The following UBE2J1 variants were observed in gnomAD, a reference collection of about 807,000 sequenced individuals.
UBE2J1 encodes ubiquitin-conjugating enzyme E2 J1.
UBE2J1 carries 17 observed loss-of-function variants against 42.1 expected under a neutral mutation model. That is an observed-to-expected ratio of 0.40 (90% CI 0.28 to 0.61). The LOEUF (loss-of-function observed/expected upper bound fraction) is 0.61. Among genes scored for constraint, UBE2J1 ranks in the 20% least tolerant of loss-of-function variants. The probability of loss-of-function intolerance (pLI) is 0.38; values close to 1 mark genes in which losing one functional copy is unlikely to be tolerated. For missense variants in UBE2J1, 291 were observed against 389.4 expected (o/e 0.75, Z 2.13); for synonymous variants, 127 against 137.2 (o/e 0.93, Z 0.52).
chr6:89,342,004 T>C lies in UBE2J1; in HGVS notation c.237+320A>G, dbSNP rs933729459. Among the ~76,000 whole-genome samples, 16 of 152,134 alleles carry C rather than the reference T, an allele frequency of 1.1e-4. No individual in the cohort carries two copies. The East Asian group carries it at 2.7e-3, about 26-fold the overall frequency. On this transcript the variant is annotated intron_variant, in intron 3 of 7. Transcript: ENST00000435041. Reference sequence around the variant, plus strand: ...TAAAGGAGACAATATGATTACAAGGTACAATAACATTAGCTACCCTTTAGT... The same window carrying C: ...TAAAGGAGACAATATGATTACAAGGCACAATAACATTAGCTACCCTTTAGT...
intron 7 of UBE2J1, among the ~76,000 whole-genome samples, chr6:89,332,362 C>G (rs1170750276): frequency 6.6e-6 from 1 of 152,192 alleles, no homozygotes. Flanking sequence ...ATCACTCTCT[C>G]TGATCACCTA....
In UBE2J1 at chr6:89,328,899, C is replaced by T. The variant is rs919765092; in HGVS notation, c.*780G>A. On this transcript the variant is annotated 3_prime_UTR_variant, in exon 8 of 8. Transcript: ENST00000435041. ...ACCAAACATTCAAATCTTCAGATCCCCCCATTTAACTTCTGGAAGAAAACC... is the reference window on the plus strand; with the variant it reads ...ACCAAACATTCAAATCTTCAGATCCTCCCATTTAACTTCTGGAAGAAAACC... 6.6e-6 allele frequency: 1 copy of T among 152,180 alleles called. No homozygotes were observed. The highest frequency in any genetic ancestry group is 1.5e-5 in the Non-Finnish European group (1 of 68,042). The allele number at this position is 152,180 out of a possible 1,614,324, so 9.4% of individuals were successfully genotyped here.
At chr6:89,352,390 A>G (rs1768502624) in intron 1 of UBE2J1, 149 bp downstream of exon 1, 2 of 891,374 alleles carry the variant, frequency 2.2e-6, no homozygotes, top group Non-Finnish European at 3.2e-6. Context: ...TGCGGCCTGT[A>G]CTTCCCGGGC....
At chr6:89,336,654 G>C (rs1325168303) in intron 5 of UBE2J1, among the ~76,000 whole-genome samples, 1 of 151,634 alleles carries the variant, frequency 6.6e-6, no homozygotes, top group Non-Finnish European at 1.5e-5. Context: ...TTATTGATGA[G>C]TATTTCTTGT....
chr6:89,338,090 T>G (rs548443681), intron 5 of UBE2J1, 115 bp downstream of exon 5: 1 of 662,290 alleles, frequency 1.5e-6, no homozygotes, highest in Non-Finnish European at 2.5e-6. Flanking sequence ...GATAAGATCC[T>G]GTAGCTACAG....
intron 3 of UBE2J1, among the ~76,000 whole-genome samples, chr6:89,341,853 A>G (rs935936822): frequency 6.6e-6 from 1 of 152,234 alleles, no homozygotes; most frequent in African/African-American, 2.4e-5. Context: ...GTCAGGCTCT[A>G]TTCTAAGAGC....
intron 1 of UBE2J1, among the ~76,000 whole-genome samples, chr6:89,346,929 C>T (rs958919404): frequency 5.9e-5 from 9 of 152,184 alleles, no homozygotes; most frequent in Non-Finnish European, 1.2e-4. Flanking sequence ...CTCCTCAGGG[C>T]TTAGCACATG....
intron 5 of UBE2J1, among the ~76,000 whole-genome samples, chr6:89,335,765 T>G (rs1768096600): frequency 6.6e-6 from 1 of 152,160 alleles, no homozygotes; most frequent in Non-Finnish European, 1.5e-5. Flanking sequence ...ATTTTAAGGC[T>G]GTGAAAAAAG....
chr6:89,338,236 T>C lies in UBE2J1; in HGVS notation c.397A>G (p.Thr133Ala). 1 of 1,613,452 alleles carries C rather than the reference T, an allele frequency of 6.2e-7. No individual in the cohort carries two copies. Among genetic ancestry groups the C allele is most frequent in the Admixed American group, 1.7e-5 (1 of 59,936 alleles). Residue 133 changes from threonine (T) to alanine (A), a missense_variant, in exon 5 of 8, where the codon ACT becomes GCT. Around this residue, in one of 2 missense-constraint regions of UBE2J1, gnomAD observed 115 missense variants for 193.1 expected, o/e 0.60. Transcript: ENST00000435041. ...GCAAGTGCTCTTCTTTCCTCAGGAG[T>C]GTAATCTAGAGAACCTATGGCTCCC... ...GEGAIGSLDY[T>A]PEERRALAKK...
chr6:89,330,743 C>T (rs998938807), intron 7 of UBE2J1, among the ~76,000 whole-genome samples: 2 of 152,076 alleles, frequency 1.3e-5, no homozygotes, highest in Non-Finnish European at 2.9e-5. Flanking sequence ...CTTCGGTGAG[C>T]TATGATCACA....
chr6:89,342,040 G>A (rs911419209), intron 3 of UBE2J1, among the ~76,000 whole-genome samples: 1 of 152,160 alleles, frequency 6.6e-6, no homozygotes, highest in African/African-American at 2.4e-5. Context: ...GAGTACTTAT[G>A]AAGTGCCAGA....
intron 1 of UBE2J1, among the ~76,000 whole-genome samples, chr6:89,345,529 G>A (rs2127871855): frequency 6.6e-6 from 1 of 152,208 alleles, no homozygotes; most frequent in East Asian, 1.9e-4. Context: ...TTGCACCCAG[G>A]AGGTGGAGGT....
chr6:89,351,316 A>G (rs1768476155), intron 1 of UBE2J1, among the ~76,000 whole-genome samples: 2 of 151,770 alleles, frequency 1.3e-5, no homozygotes, highest in Non-Finnish European at 2.9e-5. Flanking sequence ...TCCTGGGCTC[A>G]AGCCTCCCAA....
chr6:89,347,853 C>G (rs938344861), intron 1 of UBE2J1, among the ~76,000 whole-genome samples: 4 of 152,188 alleles, frequency 2.6e-5, no homozygotes, highest in African/African-American at 9.7e-5. Flanking sequence ...TCAATAATTT[C>G]TCCACAAAAT....
chr6:89,343,672 T>C lies in UBE2J1; in HGVS notation c.105+11A>G, dbSNP rs1208816837. The C allele has an allele frequency of 1.3e-6, 2 of 1,581,278 alleles. No homozygotes were observed. Among genetic ancestry groups the C allele is most frequent in the Middle Eastern group, 1.7e-4 (1 of 5,848 alleles). On this transcript the variant is annotated intron_variant, in intron 2 of 7. Coordinates refer to ENST00000435041, the MANE Select transcript of UBE2J1 (RefSeq NM_016021.3). ...AAAATCCATATGAAGAACATGGAGA[T>C]AGAAACTAACCTCTAAAGGCTGCGC...
chr6:89,338,443 ATAAAT>A lies in UBE2J1; in HGVS notation c.322+11_322+15del, dbSNP rs1369343699. The stretch of plus-strand genomic sequence containing the variant: ...TGAAGTTATGAGATTTATATTCACT[ATAAAT>A]TAACACTTACTACTCCACGAAGGCT... On this transcript the variant is annotated intron_variant, in intron 4 of 7. Transcript: ENST00000435041. 1 of 1,603,242 alleles carries A rather than the reference ATAAAT, an allele frequency of 6.2e-7. No homozygotes were observed. The highest frequency in any genetic ancestry group is 8.5e-7 in the Non-Finnish European group (1 of 1,171,852).
At chr6:89,337,182 C>G (rs1768123592) in intron 5 of UBE2J1, among the ~76,000 whole-genome samples, 1 of 150,672 alleles carries the variant, frequency 6.6e-6, no homozygotes, top group South Asian at 2.1e-4. Flanking sequence ...GACTGAGAAT[C>G]TAGAATATAC....
At chr6:89,337,585 C>A (rs1319909092) in intron 5 of UBE2J1, among the ~76,000 whole-genome samples, 1 of 151,948 alleles carries the variant, frequency 6.6e-6, no homozygotes, top group East Asian at 1.9e-4. Context: ...GAAAAATTAT[C>A]AACATCAAAA....
At position 89,328,426 on chromosome 6, in the gene UBE2J1, T is replaced by A. The variant is rs933296193; in HGVS notation, c.*1253A>T. On this transcript the variant is annotated 3_prime_UTR_variant, in exon 8 of 8. Transcript: ENST00000435041. ...CAACATTGTTTGACTTGTAAAAAAA[T>A]TAACTTACAAATAACACTTTTGGAG... is the stretch of plus-strand genomic sequence containing the variant. 2.0e-5 allele frequency: 3 copies of A among 152,200 alleles called. No individual in the cohort carries two copies. The highest frequency in any genetic ancestry group is 4.4e-5 in the Non-Finnish European group (3 of 68,018). 9.4% of individuals were successfully genotyped at this position (152,200 alleles called of 1,614,324 possible).
Sources: gnomAD v4.1 joint callset for allele counts (sites outside exome capture counted in the v4.1 genomes callset) on GRCh38, gnomAD v4.1.1 for gene constraint, gnomAD v4.1.1 regional missense constraint, MANE v1.5 for transcripts, NCBI Gene and HGNC (gene_info 2026-07-23, HGNC 2026-07-21) for gene names.